FAM91A1: variants seen among roughly 807,000 people sequenced by gnomAD.
FAM91A1 encodes the protein protein FAM91A1.
In FAM91A1, 41 loss-of-function variants were observed where a neutral mutation model predicts 113.5. That is an observed-to-expected ratio of 0.36 (90% CI 0.28 to 0.47). FAM91A1 has a LOEUF of 0.47. Among genes scored for constraint, FAM91A1 ranks in the 20% least tolerant of loss-of-function variants. The pLI, the probability that FAM91A1 is intolerant of heterozygous loss-of-function variation, is 1.00. For missense variants in FAM91A1, 696 were observed against 1,001.2 expected (o/e 0.70, Z 4.11); for synonymous variants, 307 against 347.9 (o/e 0.88, Z 1.31).
At chr8:123,796,671 A>G (rs1815528039) in intron 15 of FAM91A1, among the ~76,000 whole-genome samples, 1 of 150,678 alleles carries the variant, frequency 6.6e-6, no homozygotes. Flanking sequence ...GTTGACCAGG[A>G]TGGTCTCGAT....
rs761527635 is a variant in FAM91A1, at chr8:123,799,889, CA to C, written c.1809+5del. ...ACATTCTGCAGTTTTAATTCAGGTA[CA>C]TTTATCTTATTTGAAATTTTGTCTT... On this transcript the variant is annotated splice_donor_5th_base_variant and intron_variant, in intron 18 of 23. Coordinates refer to ENST00000334705, the MANE Select transcript of FAM91A1 (RefSeq NM_144963.4). 48 of 1,558,414 alleles carry C rather than the reference CA, an allele frequency of 3.1e-5. No individual in the cohort carries two copies. Among genetic ancestry groups the C allele is most frequent in the Middle Eastern group, 3.4e-4 (2 of 5,832 alleles).
rs763048992 is a variant in FAM91A1 at position 123,787,718 on chromosome 8, T to A, written c.1246T>A (p.Ser416Thr). Reference sequence around the variant, plus strand: ...TGAAGTAGGCAAACTCTCAGATGAGTCTCTGGACAGCTTTCTTATAGAACT... The same window carrying A: ...TGAAGTAGGCAAACTCTCAGATGAGACTCTGGACAGCTTTCTTATAGAACT... The part of the protein sequence containing the change: ...MFEVGKLSDE[S>T]LDSFLIELEK... Residue 416 changes from serine to threonine, a missense_variant, in exon 14 of 24, where the codon TCT becomes ACT. Physicochemically the swap from Ser to Thr is moderately conservative, Grantham distance 58. Coordinates refer to ENST00000334705, the MANE Select transcript of FAM91A1 (RefSeq NM_144963.4). 4 of 1,612,750 alleles carry A rather than the reference T, an allele frequency of 2.5e-6. No individual in the cohort carries two copies. Among genetic ancestry groups the A allele is most frequent in the Non-Finnish European group, 3.4e-6 (4 of 1,179,466 alleles).
At chr8:123,807,365 G>A (rs1473127686) in intron 20 of FAM91A1, among the ~76,000 whole-genome samples, 3 of 151,218 alleles carry the variant, frequency 2.0e-5, no homozygotes, top group Non-Finnish European at 4.4e-5. Context: ...GCCAGGCATG[G>A]CCAGGTACAG....
rs776302353 is a variant in FAM91A1 at position 123,810,413 on chromosome 8, C to G, written c.2331+62C>G. On this transcript the variant is annotated intron_variant, in intron 23 of 23. Coordinates refer to ENST00000334705, the MANE Select transcript of FAM91A1 (RefSeq NM_144963.4). ...TGAGCTTTAAGTATGCACAACACTT[C>G]TGTGTTTGTTTTTGAGTCACCACAG... 3.7e-5 allele frequency: 53 copies of G among 1,423,406 alleles called. No homozygotes were observed. The East Asian group carries it at 1.2e-3, about 32-fold the overall frequency. The allele number at this position is 1,423,406 out of a possible 1,614,324, so 88.2% of individuals were successfully genotyped here.
At chr8:123,774,043 T>C (rs1232795195) in intron 1 of FAM91A1, 37 bp from the exon 2 acceptor site, 2 of 1,544,444 alleles carry the variant, frequency 1.3e-6, no homozygotes, top group Non-Finnish European at 1.8e-6. Context: ...TTGTTCAGTT[T>C]GGAAGTTGTT....
At chr8:123,800,026 A>T in intron 18 of FAM91A1, 141 bp downstream of exon 18, 1 of 758,642 alleles carries the variant, frequency 1.3e-6, no homozygotes, top group Non-Finnish European at 2.0e-6. Flanking sequence ...TATGGATTTT[A>T]GTCCTGGCCG....
intron 21 of FAM91A1, 32 bp downstream of exon 21, chr8:123,808,408 A>G: frequency 6.4e-7 from 1 of 1,570,264 alleles, no homozygotes; most frequent in Non-Finnish European, 8.7e-7. Context: ...CAATTTTATT[A>G]GACTAATTTC....
rs144589307 is a variant in FAM91A1, at chr8:123,773,221, A to G, written c.73-859A>G. 2.4e-3 allele frequency among the ~76,000 whole-genome samples: 366 copies of G among 152,328 alleles called. 4 individuals carry two copies. Among genetic ancestry groups the G allele is most frequent in the African/African-American group, 8.4e-3 (351 of 41,566 alleles). ...TTGTGAAGATTGCCTTAAGTGAAAG[A>G]TGTAGGGACCTGTCTTTGGTTTTGG... On this transcript the variant is annotated intron_variant, in intron 1 of 23. Transcript: ENST00000334705.
intron 15 of FAM91A1, among the ~76,000 whole-genome samples, chr8:123,794,555 TGTG>T (rs1815462682): frequency 6.6e-6 from 1 of 152,228 alleles, no homozygotes; most frequent in African/African-American, 2.4e-5. Context: ...TTGTTGCTAT[TGTG>T]GTGAGCTCAA....
At chr8:123,785,161 G>A (rs777740899) in intron 10 of FAM91A1, 42 bp downstream of exon 10, 1 of 1,485,108 alleles carries the variant, frequency 6.7e-7, no homozygotes, top group Non-Finnish European at 9.1e-7. Context: ...TGTGATAACT[G>A]AGTGGATTTT....
chr8:123,769,921 G>A (rs1192311580), intron 1 of FAM91A1, among the ~76,000 whole-genome samples: 1 of 152,076 alleles, frequency 6.6e-6, no homozygotes, highest in Non-Finnish European at 1.5e-5. Flanking sequence ...AATGGTGGCG[G>A]TGATGGTATA....
At chr8:123,794,620 C>T (rs1011729420) in intron 15 of FAM91A1, among the ~76,000 whole-genome samples, 3 of 152,208 alleles carry the variant, frequency 2.0e-5, no homozygotes, top group African/African-American at 7.2e-5. Flanking sequence ...CGCTGATCAT[C>T]TCTGAGTGAG....
chr8:123,775,502 G>T (rs911005670), intron 3 of FAM91A1, among the ~76,000 whole-genome samples: 8 of 152,136 alleles, frequency 5.3e-5, no homozygotes, highest in African/African-American at 1.9e-4. Context: ...TTTTACATTG[G>T]GAAGCTGTCT....
At chr8:123,794,826 G>A (rs951947051) in intron 15 of FAM91A1, among the ~76,000 whole-genome samples, 4 of 152,214 alleles carry the variant, frequency 2.6e-5, no homozygotes, top group Admixed American at 1.3e-4. Flanking sequence ...GTTGAATTGC[G>A]TGGTATGTAC....
chr8:123,787,602 G>T, intron 13 of FAM91A1, 62 bp from the exon 14 acceptor site: 2 of 1,297,398 alleles, frequency 1.5e-6, no homozygotes, highest in South Asian at 2.7e-5. Flanking sequence ...ATAAATATTT[G>T]ATAGTATGCT....
intron 22 of FAM91A1, among the ~76,000 whole-genome samples, chr8:123,809,701 A>G (rs2130165283): frequency 6.6e-6 from 1 of 152,374 alleles, no homozygotes; most frequent in East Asian, 1.9e-4. Flanking sequence ...TAATTCATTT[A>G]AATGGTGTAA....
chr8:123,807,783 T>C (rs747539986), intron 20 of FAM91A1, among the ~76,000 whole-genome samples: 1 of 152,192 alleles, frequency 6.6e-6, no homozygotes, highest in Non-Finnish European at 1.5e-5. Flanking sequence ...TGGACAGTAG[T>C]AGAAGATGAG....
chr8:123,777,139 G>C (rs1815004250), intron 3 of FAM91A1, 126 bp from the exon 4 acceptor site: 1 of 693,746 alleles, frequency 1.4e-6, no homozygotes, highest in South Asian at 2.0e-5. Flanking sequence ...GCTCTAGGTA[G>C]CCAAACTATG....
At chr8:123,786,732 G>GT in intron 12 of FAM91A1, 122 bp downstream of exon 12, 2 of 768,278 alleles carry the variant, frequency 2.6e-6, no homozygotes, top group South Asian at 3.4e-5. Flanking sequence ...GTCTTTGAGT[G>GT]TTTTACTATA....
Sources: allele counts gnomAD v4.1 joint callset (sites outside exome capture counted in the v4.1 genomes callset), GRCh38; gene constraint gnomAD v4.1.1; transcripts MANE v1.5; gene names NCBI Gene and HGNC (gene_info 2026-07-23, HGNC 2026-07-21).